Variants in SOX6 observed in about 807,000 individuals in gnomAD.
SOX6 encodes the protein SRY-box transcription factor 6, also known as transcription factor SOX-6.
In SOX6, 11 loss-of-function variants were observed where a neutral mutation model predicts 97.8. The observed-to-expected ratio is 0.11, with a 90% CI of 0.07 to 0.19. SOX6 has a LOEUF of 0.19. SOX6 is among the 10% of genes least tolerant of loss of function. The pLI is 1.00. For missense variants in SOX6, 810 were observed against 1,039.5 expected (o/e 0.78, Z 3.04); for synonymous variants, 360 against 371.4 (o/e 0.97, Z 0.35).
intron 13 of SOX6, among the ~76,000 whole-genome samples, chr11:16,006,128 A>C (rs1033192669): frequency 1.3e-5 from 2 of 151,980 alleles, no homozygotes; most frequent in Non-Finnish European, 1.5e-5. Flanking sequence ...AACCCACCTA[A>C]CACCTGCTAA....
At chr11:16,523,406 C>T (rs1358051843) in intron 4 of SOX6, among the ~76,000 whole-genome samples, 2 of 152,108 alleles carry the variant, frequency 1.3e-5, no homozygotes, top group Admixed American at 6.5e-5. Context: ...GAAACGAAGG[C>T]TGAAATAAAG....
chr11:16,573,570 C>A (rs1170825161), intron 4 of SOX6, among the ~76,000 whole-genome samples: 1 of 151,992 alleles, frequency 6.6e-6, no homozygotes, highest in Non-Finnish European at 1.5e-5. Flanking sequence ...TATGTGTTAC[C>A]AAACTATCTG....
intron 2 of SOX6, among the ~76,000 whole-genome samples, chr11:16,717,431 T>C (rs1848226935): frequency 6.6e-6 from 1 of 151,822 alleles, no homozygotes; most frequent in African/African-American, 2.4e-5. Context: ...TTTATAATGC[T>C]AAAAGAAAAA....
At chr11:16,138,964 G>T (rs1850053626) in intron 6 of SOX6, among the ~76,000 whole-genome samples, 1 of 152,002 alleles carries the variant, frequency 6.6e-6, no homozygotes, top group Non-Finnish European at 1.5e-5. Flanking sequence ...TGGACATTTG[G>T]GTTGGTTTTG....
At chr11:16,349,635 A>G (rs919576870) in intron 1 of SOX6, among the ~76,000 whole-genome samples, 8 of 147,576 alleles carry the variant, frequency 5.4e-5, no homozygotes, top group Non-Finnish European at 1.0e-4. Flanking sequence ...TAAATAAATA[A>G]GAAGAGGAAA....
At chr11:16,231,337 T>A (rs945946012) in intron 4 of SOX6, among the ~76,000 whole-genome samples, 5 of 151,694 alleles carry the variant, frequency 3.3e-5, no homozygotes, top group Admixed American at 3.3e-4. Flanking sequence ...AACATACATA[T>A]GCAGTTCACA....
intron 1 of SOX6, among the ~76,000 whole-genome samples, chr11:16,737,148 T>C (rs889552524): frequency 6.6e-6 from 1 of 152,214 alleles, no homozygotes; most frequent in African/African-American, 2.4e-5. Context: ...AAGCATTGTT[T>C]CACAGACTGC....
intron 1 of SOX6, among the ~76,000 whole-genome samples, chr11:16,368,754 T>C (rs1857426330): frequency 6.6e-6 from 1 of 152,132 alleles, no homozygotes; most frequent in African/African-American, 2.4e-5. Context: ...TTAAAAACTT[T>C]TGTGCATCAA....
intron 6 of SOX6, among the ~76,000 whole-genome samples, chr11:16,119,841 G>A (rs1290524450): frequency 6.6e-6 from 1 of 152,098 alleles, no homozygotes; most frequent in East Asian, 1.9e-4. Flanking sequence ...CAAATCTGTG[G>A]CTGCTACAGC....
At chr11:16,351,992 AT>A (rs1290994276) in intron 1 of SOX6, among the ~76,000 whole-genome samples, 20 of 152,208 alleles carry the variant, frequency 1.3e-4, no homozygotes, top group Non-Finnish European at 2.6e-4. Context: ...CTTCCCAATT[AT>A]TTAAATATTA....
intron 3 of SOX6, among the ~76,000 whole-genome samples, chr11:16,658,411 TA>T (rs1847740043): frequency 6.6e-6 from 1 of 152,318 alleles, no homozygotes; most frequent in East Asian, 1.9e-4. Flanking sequence ...TGATATGTAT[TA>T]AAATATGTTC....
intron 3 of SOX6, among the ~76,000 whole-genome samples, chr11:16,634,874 A>G (rs543975501): frequency 1.3e-5 from 2 of 152,252 alleles, no homozygotes; most frequent in African/African-American, 4.8e-5. Flanking sequence ...CTGTTCTCAT[A>G]ATAGTCAGTG....
At chr11:16,115,251 A>C (rs1849318138) in intron 6 of SOX6, among the ~76,000 whole-genome samples, 1 of 152,216 alleles carries the variant, frequency 6.6e-6, no homozygotes, top group Non-Finnish European at 1.5e-5. Flanking sequence ...GTACCAGACC[A>C]GCAGCATCAG....
chr11:16,109,683 C>T (rs1276240183), intron 7 of SOX6, among the ~76,000 whole-genome samples: 1 of 152,152 alleles, frequency 6.6e-6, no homozygotes, highest in African/African-American at 2.4e-5. Context: ...AGCGTAAGAA[C>T]ATATAATTTT....
chr11:16,703,107 TTTAATAAG>T (rs1453449972), intron 3 of SOX6, among the ~76,000 whole-genome samples: 2 of 151,862 alleles, frequency 1.3e-5, no homozygotes, highest in African/African-American at 4.8e-5. Context: ...ATGTTTGTAC[TTTAATAAG>T]TTACATAGTA....
chr11:16,389,969 T>TAAAA (rs536056301), intron 1 of SOX6, among the ~76,000 whole-genome samples: 5,054 of 41,770 alleles, frequency 0.12, 642 homozygotes, highest in Admixed American at 0.15. Context: ...GACTCCGTCT[T>TAAAA]AAAAAAAAAA....
chr11:16,400,635 A>G (rs560320538), intron 1 of SOX6, among the ~76,000 whole-genome samples: 2 of 151,550 alleles, frequency 1.3e-5, no homozygotes, highest in Admixed American at 1.3e-4. Flanking sequence ...ACAAAAATGT[A>G]TACATAATAT....
intron 4 of SOX6, among the ~76,000 whole-genome samples, chr11:16,553,794 T>C (rs577758659): frequency 3.3e-5 from 5 of 152,078 alleles, no homozygotes; most frequent in Admixed American, 1.3e-4. Context: ...GATAGATGAG[T>C]TTCATCACTG....
chr11:16,650,836 G>A (rs1300114121), intron 3 of SOX6, among the ~76,000 whole-genome samples: 1 of 151,616 alleles, frequency 6.6e-6, no homozygotes, highest in Non-Finnish European at 1.5e-5. Context: ...GAAACAAAAA[G>A]CCGGTTCTTT....
Sources: allele counts gnomAD v4.1 joint callset (sites outside exome capture counted in the v4.1 genomes callset), GRCh38; gene constraint gnomAD v4.1.1; transcripts MANE v1.5; gene names NCBI Gene and HGNC (gene_info 2026-07-23, HGNC 2026-07-21).